ODR4: variants seen among roughly 807,000 people sequenced by gnomAD.
ODR4 encodes protein odr-4 homolog.
Under a neutral mutation model 60.2 loss-of-function variants are expected in ODR4, and 47 were observed. That is an observed-to-expected ratio of 0.78 (90% CI 0.62 to 1.00). The LOEUF is 1.00. Ranked by LOEUF, ODR4 falls within the 50% of genes least tolerant of loss-of-function variation. The probability of loss-of-function intolerance (pLI) is 0.00; values close to 1 mark genes in which losing one functional copy is unlikely to be tolerated. For synonymous variants in ODR4, 178 were observed against 175.5 expected (o/e 1.01, Z -0.11); for missense variants, 488 against 530.8 (o/e 0.92, Z 0.79).
chr1:186,393,569 A>G (rs998405527), intron 8 of ODR4, among the ~76,000 whole-genome samples: 6 of 152,230 alleles, frequency 3.9e-5, no homozygotes, highest in African/African-American at 7.2e-5. Flanking sequence ...AAAATACTAC[A>G]TATTTAGATT....
chr1:186,405,289 AT>A (rs1661131542), intron 11 of ODR4, among the ~76,000 whole-genome samples: 1 of 152,200 alleles, frequency 6.6e-6, no homozygotes, highest in Non-Finnish European at 1.5e-5. Context: ...GATGAAATTC[AT>A]GGGGAGATTA....
chr1:186,401,700 A>C (rs1247114301), intron 11 of ODR4, among the ~76,000 whole-genome samples: 1 of 151,722 alleles, frequency 6.6e-6, no homozygotes, highest in East Asian at 1.9e-4. Flanking sequence ...GAATCTCTGG[A>C]GTAAACCCCA....
intron 3 of ODR4, among the ~76,000 whole-genome samples, chr1:186,384,229 A>G (rs1660157065): frequency 2.0e-5 from 3 of 152,080 alleles, no homozygotes; most frequent in African/African-American, 7.2e-5. Flanking sequence ...CAGAAGGCAG[A>G]TTGGAGCTGG....
the ODR4 span, among the ~76,000 whole-genome samples, chr1:186,434,351 T>G: frequency 3.9e-5 from 6 of 152,182 alleles, no homozygotes; most frequent in African/African-American, 1.2e-4. Context: ...AAAAAATGTC[T>G]AATTAGACAA....
Position 186,419,009 on chromosome 1 carries a change from G to T in ODR4, c.1298G>T (p.Gly433Val), listed in dbSNP as rs1359201134. 1 of 1,604,622 alleles carries T rather than the reference G, an allele frequency of 6.2e-7. No individual in the cohort carries two copies. The highest frequency in any genetic ancestry group is 8.5e-7 in the Non-Finnish European group (1 of 1,175,044). ...TGTTCTGTGTTTGTTTTACTTTTAGGTGTGATTGCAGCATTTACAGTTGCA... is the reference window on the plus strand; with the variant it reads ...TGTTCTGTGTTTGTTTTACTTTTAGTTGTGATTGCAGCATTTACAGTTGCA... ...TMLLKIQQNI[G>V]VIAAFTVAVL... Residue 433 changes from glycine to valine, a missense_variant and splice_region_variant, in exon 14 of 14, where the codon GGT (glycine) becomes GTT (valine). Transcript: ENST00000287859.
intron 10 of ODR4, 126 bp downstream of exon 10, chr1:186,398,567 G>A: frequency 2.1e-6 from 2 of 937,532 alleles, no homozygotes; most frequent in Non-Finnish European, 3.0e-6. Context: ...GGCCTATTGT[G>A]CAGTCCAAAT....
chr1:186,400,053 G>A (rs1413674174), intron 11 of ODR4, among the ~76,000 whole-genome samples: 5 of 140,418 alleles, frequency 3.6e-5, no homozygotes, highest in Non-Finnish European at 7.6e-5. Flanking sequence ...GTGCAGTGGC[G>A]CGATCTCGAC....
chr1:186,414,522 AC>A lies in ODR4; in HGVS notation c.1187-3020del, dbSNP rs1218859359. 4.0e-5 allele frequency among the ~76,000 whole-genome samples: 6 copies of A among 150,500 alleles called. No individual in the cohort carries two copies. The South Asian group carries it at 6.3e-4, about 16-fold the overall frequency. On this transcript the variant is annotated intron_variant, in intron 12 of 13. Coordinates refer to ENST00000287859, the MANE Select transcript of ODR4 (RefSeq NM_017847.6). ...CCAAATATGGGGGAAAAAAACAAAA[AC>A]CTTTTTTTTTTTTTTTGAGACAGTC...
chr1:186,415,581 G>A (rs1341269058), intron 12 of ODR4, among the ~76,000 whole-genome samples: 1 of 152,078 alleles, frequency 6.6e-6, no homozygotes, highest in African/African-American at 2.4e-5. Context: ...GAAAGAAGCT[G>A]GTCTGACTCC....
chr1:186,422,511 G>T (rs1480872443), downstream of ODR4, among the ~76,000 whole-genome samples: 2 of 152,076 alleles, frequency 1.3e-5, no homozygotes, highest in African/African-American at 4.8e-5. Context: ...TTGTATATTA[G>T]CAAAACTGGA....
At chr1:186,379,328 A>G (rs1486856094) in intron 1 of ODR4, among the ~76,000 whole-genome samples, 2 of 151,830 alleles carry the variant, frequency 1.3e-5, no homozygotes, top group Admixed American at 6.6e-5. Context: ...CTGTAACCCC[A>G]GCTACTCAGG....
intron 8 of ODR4, among the ~76,000 whole-genome samples, chr1:186,392,987 C>CA (rs1193252837): frequency 6.6e-6 from 1 of 152,100 alleles, no homozygotes; most frequent in African/African-American, 2.4e-5. Context: ...CCTTTGGCTA[C>CA]AGAGTAAGAC....
At chr1:186,400,080 C>A (rs1053350288) in intron 11 of ODR4, among the ~76,000 whole-genome samples, 2 of 148,988 alleles carry the variant, frequency 1.3e-5, no homozygotes, top group African/African-American at 5.0e-5. Flanking sequence ...CAAGCTCCGC[C>A]TCCCGGGTTC....
intron 12 of ODR4, among the ~76,000 whole-genome samples, chr1:186,409,851 T>G (rs888845494): frequency 1.3e-5 from 2 of 151,898 alleles, no homozygotes; most frequent in African/African-American, 2.4e-5. Context: ...GCCAATAGAG[T>G]TTTTTAAAAA....
At chr1:186,433,041 C>T in the ODR4 span, among the ~76,000 whole-genome samples, 2 of 152,120 alleles carry the variant, frequency 1.3e-5, no homozygotes, top group South Asian at 2.1e-4. Flanking sequence ...GCCTCAGCCT[C>T]CCAAAGTGCT....
At chr1:186,391,895 C>A in intron 8 of ODR4, 104 bp downstream of exon 8, 1 of 688,058 alleles carries the variant, frequency 1.5e-6, no homozygotes. Flanking sequence ...TTTCATCTAC[C>A]TCTCATTTCT....
At chr1:186,401,233 A>G (rs934870885) in intron 11 of ODR4, 2 of 1,435,450 alleles carry the variant, frequency 1.4e-6, no homozygotes, top group Non-Finnish European at 1.9e-6. Context: ...CAGCAGTTGT[A>G]CTGTTTGTAT....
At chr1:186,390,918 A>G in intron 7 of ODR4, 67 bp downstream of exon 7, 1 of 1,425,718 alleles carries the variant, frequency 7.0e-7, no homozygotes, top group African/African-American at 1.4e-5. Context: ...TTCTGCTTAC[A>G]TGTGTCATTC....
Position 186,398,977 on chromosome 1 carries a change from C to T in ODR4, c.933C>T (p.Asn311=). ...AGGCAGTAAAGAGGGATATATTGAA[C>T]ACAGTTGCTGATCGTTGTGAAATGC... ...AVQAVKRDIL[N]TVADRCEMLF... Residue 311 remains asparagine, a synonymous_variant, in exon 11 of 14, where the codon AAC becomes AAT. Transcript: ENST00000287859. 1 of 1,612,514 alleles carries T rather than the reference C, an allele frequency of 6.2e-7. No individual in the cohort carries two copies. The highest frequency in any genetic ancestry group is 1.3e-5 in the African/African-American group (1 of 74,900).
Sources: gnomAD v4.1 joint callset for allele counts (sites outside exome capture counted in the v4.1 genomes callset) on GRCh38, gnomAD v4.1.1 for gene constraint, MANE v1.5 for transcripts, NCBI Gene and HGNC (gene_info 2026-07-23, HGNC 2026-07-21) for gene names.